Variants in TTC28 observed in about 807,000 individuals in gnomAD.
TTC28 encodes the protein tetratricopeptide repeat protein 28.
In TTC28, 61 loss-of-function variants were observed where a neutral mutation model predicts 198.0. That is an observed-to-expected ratio of 0.31 (90% CI 0.25 to 0.38). The LOEUF (loss-of-function observed/expected upper bound fraction) is 0.38. Among genes scored for constraint, TTC28 ranks in the 10% least tolerant of loss-of-function variants. The pLI is 1.00. For synonymous variants in TTC28, 1,171 were observed against 1,297.8 expected, an observed-to-expected ratio of 0.90 and a Z score of 2.10; for missense variants, 2,678 against 3,164.0, an observed-to-expected ratio of 0.85 and a Z score of 3.69.
At chr22:28,420,636 C>A (rs1272106028) in intron 2 of TTC28, among the ~76,000 whole-genome samples, 2 of 150,948 alleles carry the variant, frequency 1.3e-5, no homozygotes, top group Non-Finnish European at 2.9e-5. Context: ...CTCGTTCTGT[C>A]GCCCAGGGTG....
intron 5 of TTC28, among the ~76,000 whole-genome samples, chr22:28,240,640 G>C (rs1929595250): frequency 6.6e-6 from 1 of 152,124 alleles, no homozygotes; most frequent in Non-Finnish European, 1.5e-5. Flanking sequence ...ACCTAGCACA[G>C]AGATCTTGAT....
chr22:28,460,437 A>G (rs1276331353), intron 2 of TTC28, among the ~76,000 whole-genome samples: 2 of 149,764 alleles, frequency 1.3e-5, no homozygotes, highest in African/African-American at 4.9e-5. Flanking sequence ...TTCTATGCAT[A>G]TACATTTTTT....
In TTC28 at chr22:28,099,040, T is replaced by C. The variant is rs118035748; in HGVS notation, c.3422A>G (p.Tyr1141Cys). ...GNLEEAQHQLYRASALFETIR... is the reference protein window; with the variant it reads ...GNLEEAQHQLCRASALFETIR... ...TGTTTCAAACAAGGCTGATGCCCTA[T>C]AAAGCTGCAAGGAGGGAGGAAGAAC... is the stretch of plus-strand genomic sequence containing the variant. The change falls in exon 10 of 23, where the codon TAT (tyrosine) becomes TGT (cysteine). Residue 1141 changes from tyrosine (Y) to cysteine (C), a missense_variant. By Grantham distance (194) the Tyr-to-Cys change is radical. This residue lies in a region of TTC28 where 727 missense variants were observed against 861.9 expected (regional missense o/e 0.84). Coordinates refer to ENST00000397906, the MANE Select transcript of TTC28 (RefSeq NM_001145418.2). 384 of 1,551,952 alleles carry C rather than the reference T, an allele frequency of 2.5e-4. 2 individuals are homozygous for C. In the East Asian group the frequency reaches 7.6e-3, roughly 31 times the overall value.
intron 1 of TTC28, among the ~76,000 whole-genome samples, chr22:28,638,338 A>C (rs2146228587): frequency 6.6e-6 from 1 of 152,244 alleles, no homozygotes; most frequent in African/African-American, 2.4e-5. Context: ...TCAAATAATT[A>C]AATATTTTGA....
rs772630131 is a variant in TTC28 at position 27,982,341 on chromosome 22, G to A, written c.7326C>T (p.Gly2442=). 1.2e-5 allele frequency: 19 copies of A among 1,542,810 alleles called. No individual in the cohort carries two copies. Among genetic ancestry groups the A allele is most frequent in the Non-Finnish European group, 1.6e-5 (18 of 1,141,840 alleles). The change falls in exon 23 of 23, where the codon GGC becomes GGT. Residue 2442 remains glycine, a synonymous_variant. Transcript: ENST00000397906. This position sits in a 1 kb window ranked among gnomAD's most constrained non-coding sequence, Gnocchi z 5.2. ...GAGGGCCGGCGGGCAGCGGCAGTGA[G>A]CCCAGCGAGGTGGTCTCGGTGCGCC... The part of the protein sequence containing the change: ...GHWRTETTSL[G]SLPLPAGPPA...
At chr22:28,378,570 C>T (rs2046448306) in intron 2 of TTC28, among the ~76,000 whole-genome samples, 1 of 151,472 alleles carries the variant, frequency 6.6e-6, no homozygotes. Context: ...ATCACCTGAC[C>T]CCAGAGGTTG....
At chr22:28,275,033 G>C (rs1376118067) in intron 5 of TTC28, among the ~76,000 whole-genome samples, 1 of 142,398 alleles carries the variant, frequency 7.0e-6, no homozygotes, top group African/African-American at 2.6e-5. Context: ...GAATTTGATA[G>C]AGTAGATCAA....
intron 2 of TTC28, among the ~76,000 whole-genome samples, chr22:28,394,890 A>C (rs952490007): frequency 6.6e-6 from 1 of 152,162 alleles, no homozygotes; most frequent in Non-Finnish European, 1.5e-5. Flanking sequence ...AGTCAGAAAC[A>C]CACTGGAGCA....
intron 3 of TTC28, among the ~76,000 whole-genome samples, chr22:28,299,607 G>A (rs1446034695): frequency 6.6e-6 from 1 of 152,200 alleles, no homozygotes; most frequent in Non-Finnish European, 1.5e-5. Flanking sequence ...ACTGTGAGCA[G>A]AATTTTGGTG....
At chr22:28,062,579 C>G (rs1940593228) in intron 12 of TTC28, among the ~76,000 whole-genome samples, 1 of 152,034 alleles carries the variant, frequency 6.6e-6, no homozygotes, top group Admixed American at 6.5e-5. Context: ...ACGTGATCCT[C>G]CTGTCTAGCC....
Position 28,107,622 on chromosome 22 carries a change from C to G in TTC28, c.2223G>C (p.Leu741=). ...NGAIKFYEQQ[L]GLAHQVKDRR... is the part of the protein sequence containing the mutation. ...TGTCCTTTACCTGGTGAGCTAAGCC[C>G]AGTTGCTGCTCATAGAATTTTATTG... The change falls in exon 7 of 23, where the codon CTG becomes CTC. Residue 741 remains leucine, a synonymous_variant. Coordinates refer to ENST00000397906, the MANE Select transcript of TTC28 (RefSeq NM_001145418.2). 6.4e-7 allele frequency: 1 copy of G among 1,551,750 alleles called. No individual in the cohort carries two copies. Among genetic ancestry groups the G allele is most frequent in the Non-Finnish European group, 8.7e-7 (1 of 1,147,006 alleles).
At chr22:28,084,038 C>T (rs1913382411) in intron 12 of TTC28, among the ~76,000 whole-genome samples, 1 of 152,220 alleles carries the variant, frequency 6.6e-6, no homozygotes, top group South Asian at 2.1e-4. Flanking sequence ...TGGAGCCCAC[C>T]ACAGCTCAAG....
chr22:28,150,913 G>T (rs185797395), intron 6 of TTC28, among the ~76,000 whole-genome samples: 7 of 152,322 alleles, frequency 4.6e-5, no homozygotes, highest in Admixed American at 1.3e-4. Context: ...GCCCACCTAG[G>T]TCTAGGAAAA....
chr22:28,176,519 T>C (rs1381823703), intron 5 of TTC28, among the ~76,000 whole-genome samples: 2 of 152,204 alleles, frequency 1.3e-5, no homozygotes, highest in African/African-American at 4.8e-5. Context: ...AAGGTGACTA[T>C]GGCTAACAAT....
intron 2 of TTC28, among the ~76,000 whole-genome samples, chr22:28,358,811 A>C (rs1034592001): frequency 6.6e-6 from 1 of 152,144 alleles, no homozygotes; most frequent in Non-Finnish European, 1.5e-5. Flanking sequence ...GTGAATGAGG[A>C]CCACTATGAT....
chr22:28,507,860 A>G (rs1000390809), intron 2 of TTC28, among the ~76,000 whole-genome samples: 1 of 152,218 alleles, frequency 6.6e-6, no homozygotes, highest in African/African-American at 2.4e-5. Flanking sequence ...GCAAATGCTG[A>G]GGGAATTCGT....
chr22:28,166,417 G>C (rs928991733), intron 5 of TTC28, among the ~76,000 whole-genome samples: 9 of 152,108 alleles, frequency 5.9e-5, no homozygotes, highest in Non-Finnish European at 1.3e-4. Flanking sequence ...TGACCACATG[G>C]TTGGAAGTAA....
At chr22:28,123,345 T>A (rs1942836840) in intron 6 of TTC28, among the ~76,000 whole-genome samples, 1 of 152,064 alleles carries the variant, frequency 6.6e-6, no homozygotes, top group Admixed American at 6.6e-5. Context: ...AACCTCCGCC[T>A]CCCGGGTTCA....
chr22:28,368,080 T>G (rs1256916284), intron 2 of TTC28, among the ~76,000 whole-genome samples: 2 of 151,882 alleles, frequency 1.3e-5, no homozygotes, highest in Non-Finnish European at 2.9e-5. Context: ...TTACCCTGAT[T>G]CCAAAACCAA....
Sources: gnomAD v4.1 joint callset for allele counts (sites outside exome capture counted in the v4.1 genomes callset) on GRCh38, gnomAD v4.1.1 for gene constraint, gnomAD v4.1.1 regional missense constraint, Gnocchi (gnomAD v3.1) non-coding constraint, MANE v1.5 for transcripts, NCBI Gene and HGNC (gene_info 2026-07-23, HGNC 2026-07-21) for gene names.